The following FGF14 variants were observed in gnomAD, a reference collection of about 807,000 sequenced individuals.
The protein encoded by FGF14 is fibroblast growth factor homologous factor 4.
A neutral mutation model predicts 25.5 loss-of-function variants in FGF14; 5 were observed. That is an observed-to-expected ratio of 0.20 (90% CI 0.10 to 0.41). The LOEUF is 0.41. Ranked by LOEUF, FGF14 falls within the 10% of genes least tolerant of loss-of-function variation. The pLI, the probability that FGF14 is intolerant of heterozygous loss-of-function variation, is 1.00. For synonymous variants in FGF14, 138 were observed against 118.3 expected (o/e 1.17, Z -1.08); for missense variants, 222 against 320.1 (o/e 0.69, Z 2.34).
intron 1 of FGF14, among the ~76,000 whole-genome samples, chr13:102,075,626 C>T (rs879482523): frequency 1.3e-5 from 2 of 152,186 alleles, no homozygotes; most frequent in African/African-American, 4.8e-5. Context: ...ATTTACTATA[C>T]ATTTTATCAT....
At chr13:101,978,669 G>A (rs16959532) in intron 1 of FGF14, among the ~76,000 whole-genome samples, 5,350 of 152,172 alleles carry the variant, frequency 0.035, 315 homozygotes, top group African/African-American at 0.12. Context: ...ACTTAAATTC[G>A]CTAGGCATTT....
At chr13:101,978,272 TCTATAATATGTGCAG>T (rs1321852458) in intron 1 of FGF14, among the ~76,000 whole-genome samples, 16 of 152,350 alleles carry the variant, frequency 1.1e-4, no homozygotes, top group African/African-American at 3.8e-4. Flanking sequence ...TTTCCACTTA[TCTATAATATGTGCAG>T]AATGGTGATA....
At chr13:101,853,210 T>C (rs2043947858) in intron 3 of FGF14, among the ~76,000 whole-genome samples, 1 of 151,974 alleles carries the variant, frequency 6.6e-6, no homozygotes, top group South Asian at 2.1e-4. Flanking sequence ...ACCTTGTTTC[T>C]CTTATTCTAT....
At chr13:101,917,407 C>T (rs1329830785), upstream of FGF14, among the ~76,000 whole-genome samples, 2 of 152,004 alleles carry the variant, frequency 1.3e-5, no homozygotes, top group Admixed American at 6.5e-5. Context: ...AGATGGATTG[C>T]AGGGATGGGG....
At chr13:101,761,504 T>G (rs1264696701) in intron 3 of FGF14, among the ~76,000 whole-genome samples, 2 of 152,168 alleles carry the variant, frequency 1.3e-5, no homozygotes, top group Admixed American at 1.3e-4. Context: ...CCCCTTCTAC[T>G]GTTCTGAGGC....
At chr13:101,929,229 C>T (rs1028642184) in intron 1 of FGF14, among the ~76,000 whole-genome samples, 1 of 152,144 alleles carries the variant, frequency 6.6e-6, no homozygotes, top group Non-Finnish European at 1.5e-5. Context: ...TGGAAAGAGT[C>T]AGCTCCACCT....
At chr13:102,385,189 A>T (rs1464843485) in intron 1 of FGF14, among the ~76,000 whole-genome samples, 1 of 152,202 alleles carries the variant, frequency 6.6e-6, no homozygotes, top group Non-Finnish European at 1.5e-5. Context: ...TACTGACTAC[A>T]TATTTTTTCT....
intron 1 of FGF14, among the ~76,000 whole-genome samples, chr13:102,215,439 T>G (rs1280750202): frequency 6.6e-6 from 1 of 152,228 alleles, no homozygotes; most frequent in Non-Finnish European, 1.5e-5. Flanking sequence ...AAAAATAAAG[T>G]ATAAATCTGA....
intron 1 of FGF14, among the ~76,000 whole-genome samples, chr13:102,166,667 C>T (rs928452145): frequency 1.3e-5 from 2 of 152,058 alleles, no homozygotes; most frequent in East Asian, 3.9e-4. Context: ...AGGGAAAATA[C>T]GTGGGTTTGA....
chr13:102,112,753 G>A (rs973661282), intron 1 of FGF14, among the ~76,000 whole-genome samples: 1 of 152,120 alleles, frequency 6.6e-6, no homozygotes, highest in Non-Finnish European at 1.5e-5. Flanking sequence ...GCACTTTATA[G>A]TTTCTGCACT....
At chr13:102,128,269 T>C (rs931830310) in intron 1 of FGF14, among the ~76,000 whole-genome samples, 3 of 152,224 alleles carry the variant, frequency 2.0e-5, no homozygotes, top group African/African-American at 2.4e-5. Flanking sequence ...AGGAGCTCAG[T>C]AGCTGTCGGC....
intron 3 of FGF14, among the ~76,000 whole-genome samples, chr13:101,798,767 CA>C (rs1284879802): frequency 6.6e-6 from 1 of 152,022 alleles, no homozygotes; most frequent in Non-Finnish European, 1.5e-5. Flanking sequence ...TTATTTAAGT[CA>C]CTGAAATGTA....
chr13:102,037,627 A>C (rs2041538836), intron 1 of FGF14, among the ~76,000 whole-genome samples: 1 of 152,174 alleles, frequency 6.6e-6, no homozygotes, highest in African/African-American at 2.4e-5. Flanking sequence ...ACTAACACTA[A>C]ATAAATACCT....
intron 3 of FGF14, among the ~76,000 whole-genome samples, chr13:101,734,461 A>G (rs2036035704): frequency 6.6e-6 from 1 of 152,224 alleles, no homozygotes; most frequent in Non-Finnish European, 1.5e-5. Flanking sequence ...TCTCTGGAAT[A>G]TAGACATGTA....
intron 1 of FGF14, among the ~76,000 whole-genome samples, chr13:102,247,604 G>T (rs896805878): frequency 1.1e-4 from 17 of 152,086 alleles, no homozygotes; most frequent in Non-Finnish European, 2.4e-4. Flanking sequence ...TGCTGGCAAG[G>T]TTGCAGATAA....
chr13:102,161,703 GAAGAAGAAGAAGAAGAAGAAGAAT>G (rs1566766001), intron 1 of FGF14, among the ~76,000 whole-genome samples: 12 of 148,196 alleles, frequency 8.1e-5, no homozygotes, highest in South Asian at 4.3e-4. Context: ...AGAAGAAGAA[GAAGAAGAAGAAGAAGAAGAAGAAT>G]AGAAATGTGT....
At chr13:102,041,595 A>AAAAAAAAAAAAAAAG (rs1175485223) in intron 1 of FGF14, among the ~76,000 whole-genome samples, 1 of 149,850 alleles carries the variant, frequency 6.7e-6, no homozygotes, top group African/African-American at 2.5e-5. Flanking sequence ...AAAAAAAAAA[A>AAAAAAAAAAAAAAAG]AGAGAGATTT....
At chr13:102,278,036 G>C (rs1198820022) in intron 1 of FGF14, among the ~76,000 whole-genome samples, 1 of 152,148 alleles carries the variant, frequency 6.6e-6, no homozygotes, top group African/African-American at 2.4e-5. Flanking sequence ...TCTTTGAAGA[G>C]CCTCATTAAA....
intron 1 of FGF14, among the ~76,000 whole-genome samples, chr13:102,272,436 C>T (rs1011449527): frequency 6.6e-6 from 1 of 152,002 alleles, no homozygotes; most frequent in African/African-American, 2.4e-5. Flanking sequence ...ATAGAAGATA[C>T]CTTGTCCATA....
Sources: gnomAD v4.1 joint callset for allele counts (sites outside exome capture counted in the v4.1 genomes callset) on GRCh38, gnomAD v4.1.1 for gene constraint, MANE v1.5 for transcripts, NCBI Gene and HGNC (gene_info 2026-07-23, HGNC 2026-07-21) for gene names.